The following MTRFR variants were observed in gnomAD, a reference collection of about 807,000 sequenced individuals.
MTRFR encodes mitochondrial translation release factor in rescue.
Under a neutral mutation model 11.9 loss-of-function variants are expected in MTRFR, and 10 were observed. The ratio of observed to expected loss-of-function variants is 0.84; its 90% CI spans 0.52 to 1.42. MTRFR has a LOEUF of 1.42. Among genes scored for constraint, MTRFR ranks in the 40% most tolerant of loss-of-function variants. MTRFR has a pLI of 0.00. For synonymous variants in MTRFR, 77 were observed against 79.1 expected, an observed-to-expected ratio of 0.97 and a Z score of 0.14; for missense variants, 196 against 197.9, an observed-to-expected ratio of 0.99 and a Z score of 0.06.
chr12:123,242,031 C>T (rs369715686), intron 1 of MTRFR, among the ~76,000 whole-genome samples: 1 of 152,220 alleles, frequency 6.6e-6, no homozygotes, highest in East Asian at 1.9e-4. Flanking sequence ...CTTCATTTCT[C>T]TTTTATGCTA....
At chr12:123,234,424 C>G (rs569740110) in intron 1 of MTRFR, among the ~76,000 whole-genome samples, 17 of 152,052 alleles carry the variant, frequency 1.1e-4, no homozygotes, top group Non-Finnish European at 1.9e-4. Flanking sequence ...GGGACAAGGT[C>G]TCTCTCTGTC....
intron 1 of MTRFR, chr12:123,248,297 T>G (rs761138892): frequency 6.6e-6 from 1 of 152,256 alleles, no homozygotes; most frequent in Non-Finnish European, 1.5e-5. Context: ...AGGACCCCAA[T>G]CCCTTCTAGC....
chr12:123,235,898 G>A (rs1292523012), intron 1 of MTRFR, among the ~76,000 whole-genome samples: 1 of 151,090 alleles, frequency 6.6e-6, no homozygotes, highest in African/African-American at 2.4e-5. Flanking sequence ...ACCCCATCTG[G>A]GCTAAGAATA....
intron 1 of MTRFR, among the ~76,000 whole-genome samples, chr12:123,239,709 G>A (rs1186674889): frequency 3.3e-5 from 5 of 152,206 alleles, no homozygotes; most frequent in East Asian, 3.9e-4. Flanking sequence ...GCCCAGTAGC[G>A]TTAGTTTCTA....
intron 1 of MTRFR, among the ~76,000 whole-genome samples, chr12:123,235,263 G>A (rs1824334643): frequency 6.6e-6 from 1 of 152,198 alleles, no homozygotes; most frequent in African/African-American, 2.4e-5. Flanking sequence ...TACCCAGTAA[G>A]TAAATTGTGG....
At chr12:123,239,402 G>T (rs949728136) in intron 1 of MTRFR, among the ~76,000 whole-genome samples, 7 of 80,026 alleles carry the variant, frequency 8.7e-5, no homozygotes, top group Non-Finnish European at 1.2e-4. Flanking sequence ...CATTAGTTTT[G>T]TTTTTTTGTT....
chr12:123,254,224 G>T (rs1268560787), intron 2 of MTRFR: 4 of 482,552 alleles, frequency 8.3e-6, no homozygotes, highest in African/African-American at 1.9e-5. Context: ...CTTGAATTTG[G>T]CAGACAGCAC....
chr12:123,253,549 C>T (rs530571158), intron 1 of MTRFR, 98 bp from the exon 2 acceptor site: 1 of 1,196,506 alleles, frequency 8.4e-7, no homozygotes, highest in East Asian at 2.4e-5. Flanking sequence ...GATGGGTCAT[C>T]ATTTGAATTG....
At chr12:123,244,691 G>C (rs1184995310) in intron 1 of MTRFR, among the ~76,000 whole-genome samples, 1 of 151,900 alleles carries the variant, frequency 6.6e-6, no homozygotes, top group African/African-American at 2.4e-5. Flanking sequence ...GGAGTGCAAT[G>C]GTGTGATTTT....
intron 1 of MTRFR, among the ~76,000 whole-genome samples, chr12:123,246,420 A>G (rs2048041259): frequency 6.6e-6 from 1 of 152,026 alleles, no homozygotes; most frequent in African/African-American, 2.4e-5. Flanking sequence ...TTTAATTTGC[A>G]TGTATTTGCA....
chr12:123,244,929 CATTTTTTTTTTTT>C (rs2048013107), intron 1 of MTRFR, among the ~76,000 whole-genome samples: 2 of 64,310 alleles, frequency 3.1e-5, no homozygotes, highest in Admixed American at 2.4e-4. Context: ...CCGCACCCGG[CATTTTTTTTTTTT>C]TTTTTTTTTT....
chr12:123,251,266 C>A (rs1230496785), intron 1 of MTRFR: 1 of 152,316 alleles, frequency 6.6e-6, no homozygotes, highest in Non-Finnish European at 1.5e-5. Flanking sequence ...CTGTGCCCCT[C>A]CCAGCAGCGA....
chr12:123,254,102 C>T (rs2048153214), intron 2 of MTRFR, 146 bp downstream of exon 2: 1 of 894,770 alleles, frequency 1.1e-6, no homozygotes, highest in Non-Finnish European at 1.7e-6. Context: ...CAGTAGAGAG[C>T]ACCGCAGATC....
rs2138792385 is a variant in MTRFR, at chr12:123,253,688, GTTTA to G, written c.18_21del (p.Leu6PhefsTer7). 6.2e-7 allele frequency: 1 copy of G among 1,614,148 alleles called. No individual in the cohort carries two copies. Among genetic ancestry groups the G allele is most frequent in the Non-Finnish European group, 8.5e-7 (1 of 1,180,028 alleles). On this transcript the variant is annotated frameshift_variant, in exon 2 of 3. Coordinates refer to ENST00000253233, the MANE Select transcript of MTRFR (RefSeq NM_152269.5). LOFTEE classifies it high-confidence loss of function. ...GCCACGTTCCTTATGAGCACCGTGG[GTTTA>G]TTTCATTTTCCTACACCACTGACCC...
chr12:123,253,947 C>T lies in MTRFR; in HGVS notation c.273C>T (p.Ile91=), dbSNP rs2280424. 71,053 of 1,614,058 alleles carry T rather than the reference C, an allele frequency of 0.044. 2,622 individuals carry two copies. Among genetic ancestry groups the T allele is most frequent in the East Asian group, 0.25 (11,110 of 44,854 alleles). ...CVVLKHIPSG[I]VVKCHQTRSV... is the part of the protein sequence containing the mutation. ...TGCTGAAGCACATCCCCTCAGGCATCGTTGTAAAGGTAGATCACAGAAGGC... is the reference window on the plus strand; with the variant it reads ...TGCTGAAGCACATCCCCTCAGGCATTGTTGTAAAGGTAGATCACAGAAGGC... The change falls in exon 2 of 3, where the codon ATC becomes ATT. Residue 91 remains isoleucine, a synonymous_variant. Coordinates refer to ENST00000253233, the MANE Select transcript of MTRFR (RefSeq NM_152269.5).
intron 1 of MTRFR, among the ~76,000 whole-genome samples, chr12:123,235,652 G>A (rs1036070941): frequency 3.3e-5 from 5 of 151,672 alleles, no homozygotes; most frequent in Admixed American, 6.6e-5. Flanking sequence ...GATTACAGGC[G>A]TGAGCCACCG....
intron 1 of MTRFR, among the ~76,000 whole-genome samples, chr12:123,241,376 C>T (rs982066471): frequency 2.0e-5 from 3 of 152,026 alleles, no homozygotes; most frequent in South Asian, 2.1e-4. Flanking sequence ...CTTCAGTCTT[C>T]GCCCAGGCTG....
At chr12:123,242,875 G>A (rs1036134910) in intron 1 of MTRFR, among the ~76,000 whole-genome samples, 6 of 152,166 alleles carry the variant, frequency 3.9e-5, no homozygotes, top group Admixed American at 6.5e-5. Flanking sequence ...ACCAGCTAGC[G>A]GATGAGAAAC....
At chr12:123,256,136 A>G (rs543776383) in intron 2 of MTRFR, among the ~76,000 whole-genome samples, 36 of 152,306 alleles carry the variant, frequency 2.4e-4, no homozygotes, top group African/African-American at 8.7e-4. Flanking sequence ...TACACAGTGA[A>G]TGAGTTATGG....
Sources: gnomAD v4.1 joint callset for allele counts (sites outside exome capture counted in the v4.1 genomes callset) on GRCh38, gnomAD v4.1.1 for gene constraint, MANE v1.5 for transcripts, NCBI Gene and HGNC (gene_info 2026-07-23, HGNC 2026-07-21) for gene names.